The following SPON1 variants were observed in gnomAD, a reference collection of about 807,000 sequenced individuals.
SPON1 encodes spondin-1.
In SPON1, 52 loss-of-function variants were observed where a neutral mutation model predicts 111.7. The observed-to-expected ratio is 0.47, with a 90% CI of 0.37 to 0.59. The LOEUF is 0.59. Ranked by LOEUF, SPON1 falls within the 20% of genes least tolerant of loss-of-function variation. The probability of loss-of-function intolerance (pLI) is 0.00; values close to 1 mark genes in which losing one functional copy is unlikely to be tolerated. For synonymous variants in SPON1, 410 were observed against 395.8 expected, an observed-to-expected ratio of 1.04 and a Z score of -0.43; for missense variants, 957 against 1,068.5, an observed-to-expected ratio of 0.90 and a Z score of 1.46.
rs1412933440 is a variant in SPON1, at chr11:14,076,384, A to G, written c.553+966A>G. 2.6e-5 allele frequency among the ~76,000 whole-genome samples: 4 copies of G among 152,360 alleles called. No individual in the cohort carries two copies. In the East Asian group the frequency reaches 7.7e-4, roughly 29 times the overall value. ...AAGCTACTAAGAAAAAGAAAGGTTGATAAAGGTCTTCGGGGAAAACAATAA... is the reference window on the plus strand; with the variant it reads ...AAGCTACTAAGAAAAAGAAAGGTTGGTAAAGGTCTTCGGGGAAAACAATAA... On this transcript the variant is annotated intron_variant, in intron 4 of 15. Coordinates refer to ENST00000576479, the MANE Select transcript of SPON1 (RefSeq NM_006108.4).
chr11:14,215,871 T>A (rs1317240953), intron 6 of SPON1, among the ~76,000 whole-genome samples: 1 of 152,232 alleles, frequency 6.6e-6, no homozygotes, highest in Admixed American at 6.5e-5. Context: ...GTCTACTACT[T>A]CTTCTCAAGT....
intron 6 of SPON1, 69 bp from the exon 7 acceptor site, chr11:14,243,263 C>A: frequency 3.5e-6 from 5 of 1,429,728 alleles, no homozygotes; most frequent in Non-Finnish European, 4.8e-6. Context: ...ATGGTGTCAC[C>A]AGGTCAAAGC....
intron 6 of SPON1, among the ~76,000 whole-genome samples, chr11:14,204,166 G>C (rs1200554476): frequency 6.6e-6 from 1 of 152,204 alleles, no homozygotes; most frequent in African/African-American, 2.4e-5. Flanking sequence ...CTTTCAAATT[G>C]CTCCATGGGC....
At chr11:14,105,026 TTAAAA>T (rs1179279702) in intron 5 of SPON1, among the ~76,000 whole-genome samples, 1 of 152,162 alleles carries the variant, frequency 6.6e-6, no homozygotes, top group Admixed American at 6.5e-5. Context: ...CCTTTTGTAA[TTAAAA>T]TAAAATATTT....
intron 2 of SPON1, among the ~76,000 whole-genome samples, chr11:14,036,433 C>A (rs1172892937): frequency 2.4e-4 from 36 of 151,998 alleles, no homozygotes; most frequent in Admixed American, 2.2e-3. Flanking sequence ...CAAGGAAGAG[C>A]CAAGGGTGAC....
rs35043771 is a variant in SPON1 at position 14,054,566 on chromosome 11, C to CTT, written c.479+12922_479+12923dup. ...ATGGTCCAAAGTCTAGTTTTCTTTT[C>CTT]TTTTTTTTTTTCCTCCTAAAGTCAG... is the stretch of plus-strand genomic sequence containing the variant. On this transcript the variant is annotated intron_variant, in intron 3 of 15. Transcript: ENST00000576479. 1.3e-4 allele frequency among the ~76,000 whole-genome samples: 20 copies of CTT among 148,208 alleles called. No individual in the cohort carries two copies. In the East Asian group the frequency reaches 1.8e-3, roughly 13 times the overall value.
Position 14,262,779 on chromosome 11 carries a change from C to A in SPON1, c.2064C>A (p.His688Gln). The change falls in exon 15 of 16, where the codon CAC (histidine) becomes CAA (glutamine). Residue 688 changes from histidine to glutamine, a missense_variant. By Grantham distance (24) the His-to-Gln change is conservative. This residue lies in a region of SPON1 where 549 missense variants were observed against 606.2 expected (regional missense o/e 0.91). Coordinates refer to ENST00000576479, the MANE Select transcript of SPON1 (RefSeq NM_006108.4). ...GTAACAAGTCATGTGGGAAAGGCCA[C>A]GTGATTCGAACCCGGATGATCCAAA... Reference protein sequence around the residue: ...SECNKSCGKGHVIRTRMIQME... With the variant: ...SECNKSCGKGQVIRTRMIQME... The A allele has an allele frequency of 6.2e-7, 1 of 1,613,964 alleles. No individual in the cohort carries two copies. Among genetic ancestry groups the A allele is most frequent in the Non-Finnish European group, 8.5e-7 (1 of 1,179,886 alleles).
At chr11:14,142,330 G>GT (rs1230568153) in intron 6 of SPON1, among the ~76,000 whole-genome samples, 2 of 152,122 alleles carry the variant, frequency 1.3e-5, no homozygotes, top group Admixed American at 1.3e-4. Flanking sequence ...TCATTTCTCA[G>GT]TGTGAAAAGG....
chr11:14,163,257 A>G (rs1300561488), intron 6 of SPON1, among the ~76,000 whole-genome samples: 2 of 152,226 alleles, frequency 1.3e-5, no homozygotes, highest in African/African-American at 2.4e-5. Flanking sequence ...ACTTGAGGAA[A>G]TGGAGGCTCA....
At chr11:14,179,354 A>G (rs539368476) in intron 6 of SPON1, among the ~76,000 whole-genome samples, 54 of 152,316 alleles carry the variant, frequency 3.5e-4, no homozygotes, top group African/African-American at 1.1e-3. Flanking sequence ...TTATTGTTCC[A>G]GGGAGACAGA....
intron 6 of SPON1, among the ~76,000 whole-genome samples, chr11:14,157,444 C>T (rs188313132): frequency 9.9e-5 from 15 of 152,230 alleles, no homozygotes; most frequent in African/African-American, 3.6e-4. Flanking sequence ...TGTCTTTTTA[C>T]ATAGCTGCTT....
intron 2 of SPON1, among the ~76,000 whole-genome samples, chr11:14,023,486 C>T (rs890221026): frequency 3.9e-5 from 6 of 152,248 alleles, no homozygotes; most frequent in Admixed American, 1.3e-4. Context: ...TCCCTCTCTT[C>T]GTGCTACAAC....
rs1178951626 is a variant in SPON1, at chr11:14,267,984, G to C, written c.*2297G>C. On this transcript the variant is annotated 3_prime_UTR_variant, in exon 16 of 16. Transcript: ENST00000576479. ...GGTCCAACAGCAAGAAGTTCAGAGAGAGATTTCCCAACCAGACATTGGGTC... is the reference window on the plus strand; with the variant it reads ...GGTCCAACAGCAAGAAGTTCAGAGACAGATTTCCCAACCAGACATTGGGTC... 6.6e-6 allele frequency: 1 copy of C among 152,138 alleles called. No individual in the cohort carries two copies. The highest frequency in any genetic ancestry group is 6.5e-5 in the Admixed American group (1 of 15,276). The allele number at this position is 152,138 out of a possible 1,614,324, so 9.4% of individuals were successfully genotyped here.
chr11:14,121,844 C>T (rs1049993328), intron 5 of SPON1, among the ~76,000 whole-genome samples: 14 of 151,654 alleles, frequency 9.2e-5, no homozygotes, highest in African/African-American at 2.9e-4. Flanking sequence ...TTTTTACCCT[C>T]ATTTTTGAAG....
At chr11:14,019,656 G>A (rs1848467057) in intron 2 of SPON1, among the ~76,000 whole-genome samples, 1 of 152,120 alleles carries the variant, frequency 6.6e-6, no homozygotes, top group Non-Finnish European at 1.5e-5. Context: ...TTATTGTTTA[G>A]CAAGGAGTTT....
intron 6 of SPON1, among the ~76,000 whole-genome samples, chr11:14,187,107 G>A (rs992228205): frequency 2.0e-5 from 3 of 152,168 alleles, no homozygotes; most frequent in Non-Finnish European, 4.4e-5. Flanking sequence ...GCAAGGGGGA[G>A]CAGGCATGTC....
At chr11:14,017,668 G>C (rs1168664689) in intron 2 of SPON1, among the ~76,000 whole-genome samples, 1 of 152,176 alleles carries the variant, frequency 6.6e-6, no homozygotes, top group Non-Finnish European at 1.5e-5. Flanking sequence ...AGGGCCATTT[G>C]AGCCCTAGTT....
intron 6 of SPON1, among the ~76,000 whole-genome samples, chr11:14,226,684 G>A (rs1217695109): frequency 2.6e-5 from 4 of 152,198 alleles, no homozygotes; most frequent in African/African-American, 4.8e-5. Flanking sequence ...AAGGCAAGCA[G>A]GGCCCATAGG....
chr11:14,180,120 C>T (rs1404202403), intron 6 of SPON1, among the ~76,000 whole-genome samples: 3 of 152,132 alleles, frequency 2.0e-5, no homozygotes, highest in African/African-American at 7.2e-5. Context: ...ACCAACCATC[C>T]CAGTTTGTCC....
Sources: gnomAD v4.1 joint callset for allele counts (sites outside exome capture counted in the v4.1 genomes callset) on GRCh38, gnomAD v4.1.1 for gene constraint, gnomAD v4.1.1 regional missense constraint, MANE v1.5 for transcripts, NCBI Gene and HGNC (gene_info 2026-07-23, HGNC 2026-07-21) for gene names.